Variants in STXBP5L observed in about 807,000 individuals in gnomAD.
STXBP5L encodes the protein syntaxin binding protein 5L.
Under a neutral mutation model 144.5 loss-of-function variants are expected in STXBP5L, and 65 were observed. The observed-to-expected ratio is 0.45, with a 90% CI of 0.37 to 0.55. The LOEUF (loss-of-function observed/expected upper bound fraction) is 0.55. Ranked by LOEUF, STXBP5L falls within the 20% of genes least tolerant of loss-of-function variation. STXBP5L has a pLI of 0.00. For synonymous variants in STXBP5L, 505 were observed against 469.6 expected (o/e 1.08, Z -0.97); for missense variants, 1,298 against 1,405.5 (o/e 0.92, Z 1.22).
intron 5 of STXBP5L, among the ~76,000 whole-genome samples, chr3:121,056,494 T>A (rs1948469580): frequency 6.6e-6 from 1 of 152,222 alleles, no homozygotes; most frequent in Non-Finnish European, 1.5e-5. Flanking sequence ...AACTCCATAA[T>A]TTATGAAATC....
At chr3:121,173,570 C>T (rs1355987583) in intron 9 of STXBP5L, among the ~76,000 whole-genome samples, 1 of 151,816 alleles carries the variant, frequency 6.6e-6, no homozygotes, top group Non-Finnish European at 1.5e-5. Context: ...CAACTAATAG[C>T]CTACTGTTGA....
chr3:121,056,304 T>C (rs1948457018), intron 5 of STXBP5L, among the ~76,000 whole-genome samples: 1 of 152,158 alleles, frequency 6.6e-6, no homozygotes, highest in Non-Finnish European at 1.5e-5. Context: ...GGAGAAAGCA[T>C]AGAGTTGTTT....
intron 18 of STXBP5L, among the ~76,000 whole-genome samples, chr3:121,260,705 C>T (rs1285421943): frequency 6.6e-6 from 1 of 152,046 alleles, no homozygotes; most frequent in Non-Finnish European, 1.5e-5. Flanking sequence ...TCAAATAATA[C>T]ATTACCTTAT....
intron 2 of STXBP5L, among the ~76,000 whole-genome samples, chr3:120,916,143 GT>G (rs1268388993): frequency 3.3e-5 from 5 of 151,918 alleles, no homozygotes; most frequent in Admixed American, 6.6e-5. Context: ...TATGATTTGA[GT>G]TTTATTGGAA....
chr3:120,959,482 T>C (rs973679303), intron 3 of STXBP5L, among the ~76,000 whole-genome samples: 41 of 152,268 alleles, frequency 2.7e-4, no homozygotes, highest in African/African-American at 8.2e-4. Flanking sequence ...GGAGGCATCA[T>C]GCTACCTGAC....
intron 3 of STXBP5L, among the ~76,000 whole-genome samples, chr3:120,989,814 T>G (rs899282019): frequency 6.6e-6 from 1 of 152,008 alleles, no homozygotes; most frequent in Admixed American, 6.6e-5. Context: ...CTCTAAAATC[T>G]ACTCTACCTA....
At chr3:121,335,243 C>CT (rs1329672093) in intron 20 of STXBP5L, among the ~76,000 whole-genome samples, 1 of 152,016 alleles carries the variant, frequency 6.6e-6, no homozygotes, top group East Asian at 1.9e-4. Context: ...AGTAATACAG[C>CT]TTAAAAGGAA....
chr3:121,298,324 T>C (rs941255298), intron 19 of STXBP5L, among the ~76,000 whole-genome samples: 2 of 152,186 alleles, frequency 1.3e-5, no homozygotes, highest in African/African-American at 4.8e-5. Flanking sequence ...TGACAATAAA[T>C]TCAAAATGCA....
At chr3:121,340,381 G>A (rs909555600) in intron 20 of STXBP5L, among the ~76,000 whole-genome samples, 4 of 151,900 alleles carry the variant, frequency 2.6e-5, no homozygotes, top group Admixed American at 1.3e-4. Flanking sequence ...TGCACAACAT[G>A]CAGGTTTGTT....
chr3:121,064,004 G>T (rs1271826825), intron 5 of STXBP5L, among the ~76,000 whole-genome samples: 1 of 152,106 alleles, frequency 6.6e-6, no homozygotes. Context: ...GTGAATGCTT[G>T]TCTCACTGGC....
chr3:121,343,530 G>C (rs2044819154), intron 20 of STXBP5L, among the ~76,000 whole-genome samples: 1 of 152,086 alleles, frequency 6.6e-6, no homozygotes, highest in Non-Finnish European at 1.5e-5. Flanking sequence ...TCCTTAAGCT[G>C]ATAAGCAACT....
intron 4 of STXBP5L, among the ~76,000 whole-genome samples, 166 bp from the exon 5 acceptor site, chr3:121,045,269 T>C (rs149723033): frequency 1.9e-3 from 288 of 152,284 alleles, no homozygotes; most frequent in African/African-American, 6.5e-3. Context: ...CTTTCAGCAT[T>C]CTTACCCTTC....
At chr3:121,303,883 T>TG (rs1293220177) in intron 19 of STXBP5L, among the ~76,000 whole-genome samples, 1 of 149,224 alleles carries the variant, frequency 6.7e-6, no homozygotes, top group Non-Finnish European at 1.5e-5. Flanking sequence ...TGTTGTGGGG[T>TG]GGGGGGAGTG....
intron 20 of STXBP5L, among the ~76,000 whole-genome samples, chr3:121,367,950 G>A (rs912841058): frequency 6.6e-6 from 1 of 151,844 alleles, no homozygotes; most frequent in Non-Finnish European, 1.5e-5. Context: ...ATGTCTCAAT[G>A]TGAGTCTTTT....
intron 20 of STXBP5L, among the ~76,000 whole-genome samples, chr3:121,363,590 G>T (rs1354224910): frequency 6.6e-6 from 1 of 150,828 alleles, no homozygotes; most frequent in East Asian, 2.0e-4. Flanking sequence ...CCCTCCCTGA[G>T]CACCCAGATA....
intron 9 of STXBP5L, among the ~76,000 whole-genome samples, chr3:121,199,842 C>T (rs2048069653): frequency 6.6e-6 from 1 of 151,960 alleles, no homozygotes; most frequent in South Asian, 2.1e-4. Context: ...TCGACTTGAT[C>T]TTGGTGGGTA....
chr3:121,325,621 A>C (rs772403341), intron 20 of STXBP5L, among the ~76,000 whole-genome samples: 4 of 152,054 alleles, frequency 2.6e-5, no homozygotes, highest in Non-Finnish European at 5.9e-5. Context: ...CAGAAAAAAT[A>C]TAGTTTACCA....
chr3:120,974,242 T>C (rs956267927), intron 3 of STXBP5L, among the ~76,000 whole-genome samples: 21 of 152,138 alleles, frequency 1.4e-4, no homozygotes, highest in African/African-American at 1.9e-4. Flanking sequence ...TTCTAACTGG[T>C]GTGAGATGGT....
intron 3 of STXBP5L, among the ~76,000 whole-genome samples, chr3:121,035,664 G>T (rs1213739510): frequency 1.3e-5 from 2 of 152,160 alleles, no homozygotes; most frequent in East Asian, 3.9e-4. Flanking sequence ...TGTTCTTTCT[G>T]CTTAAGATTG....
Sources: allele counts gnomAD v4.1 joint callset (sites outside exome capture counted in the v4.1 genomes callset), GRCh38; gene constraint gnomAD v4.1.1; transcripts MANE v1.5; gene names NCBI Gene and HGNC (gene_info 2026-07-23, HGNC 2026-07-21).